Variants in STAC observed in about 807,000 individuals in gnomAD.
The protein encoded by STAC is SH3 and cysteine rich domain, also known as SH3 and cysteine-rich domain-containing protein.
In STAC, 43 loss-of-function variants were observed where a neutral mutation model predicts 48.8. The observed-to-expected ratio is 0.88, with a 90% CI of 0.69 to 1.14. STAC has a LOEUF of 1.14. STAC is among the 50% of genes most tolerant of loss of function. STAC has a pLI of 0.00. For missense variants in STAC, 497 were observed against 504.0 expected, an observed-to-expected ratio of 0.99 and a Z score of 0.13; for synonymous variants, 193 against 179.5, an observed-to-expected ratio of 1.07 and a Z score of -0.60.
At chr3:36,496,617 G>T (rs924880785) in intron 6 of STAC, among the ~76,000 whole-genome samples, 2 of 152,174 alleles carry the variant, frequency 1.3e-5, no homozygotes, top group Admixed American at 1.3e-4. Flanking sequence ...TCTTATAAAT[G>T]ATCCTTGGCA....
Position 36,547,640 on chromosome 3 carries a change from TA to T in STAC, c.*1355del, listed in dbSNP as rs1256286328. The T allele has an allele frequency of 1.3e-5, 2 of 152,536 alleles. No homozygotes were observed. The highest frequency in any genetic ancestry group is 2.4e-5 in the African/African-American group (1 of 41,450). The allele number at this position is 152,536 out of a possible 1,614,324, so 9.4% of individuals were successfully genotyped here. A position where few individuals can be genotyped will look rare whatever the true frequency, so the allele number is the denominator to read the frequency against. On this transcript the variant is annotated 3_prime_UTR_variant, in exon 11 of 11. Transcript: ENST00000273183. ...ATAAAATCATTAGAACAATGGTTTT[TA>T]AAAGACTTAAGTGGATGCATCCTAT...
rs184962954 is a variant in STAC, at chr3:36,528,677, C to G, written c.921-19C>G. ...TTCTTTTTTTTTCCTTTACCTAACT[C>G]ATTCATTCTTCATTTTAGGCCAGGA... On this transcript the variant is annotated intron_variant, in intron 8 of 10. Transcript: ENST00000273183. 10 of 1,572,322 alleles carry G rather than the reference C, an allele frequency of 6.4e-6. No homozygotes were observed. In the East Asian group the frequency reaches 1.1e-4, roughly 18 times the overall value.
intron 1 of STAC, among the ~76,000 whole-genome samples, chr3:36,430,378 T>G (rs1328650591): frequency 6.6e-6 from 1 of 152,086 alleles, no homozygotes; most frequent in East Asian, 1.9e-4. Flanking sequence ...GGCAGGGCAT[T>G]AGAAGCAATA....
chr3:36,418,174 C>T (rs1201684281), intron 1 of STAC, among the ~76,000 whole-genome samples: 1 of 151,894 alleles, frequency 6.6e-6, no homozygotes, highest in African/African-American at 2.4e-5. Context: ...CTTAGGCCTT[C>T]CTTTGTTTTT....
chr3:36,381,731 T>C (rs535551301), intron 1 of STAC, among the ~76,000 whole-genome samples: 39 of 152,300 alleles, frequency 2.6e-4, no homozygotes, highest in South Asian at 8.3e-4. Flanking sequence ...CTGGAAGCCA[T>C]TGATATGATC....
chr3:36,546,243 G>GA lies in STAC; in HGVS notation c.1169dup (p.Lys391GlufsTer7). ...GATGGTTTTATCAGAGTCCTCAGTG[G>GA]AAAAAAGAAAGGCCTCATCCCCCTT... On this transcript the variant is annotated frameshift_variant, in exon 11 of 11. Transcript: ENST00000273183. LOFTEE classifies it high-confidence loss of function. 1.9e-6 allele frequency: 3 copies of GA among 1,614,024 alleles called. No homozygotes were observed. The highest frequency in any genetic ancestry group is 1.7e-6 in the Non-Finnish European group (2 of 1,179,952).
intron 2 of STAC, among the ~76,000 whole-genome samples, chr3:36,445,785 G>GT (rs1237374689): frequency 1.3e-5 from 2 of 152,184 alleles, no homozygotes; most frequent in South Asian, 2.1e-4. Flanking sequence ...AAAGCTGTTT[G>GT]TTTTTTCCTT....
chr3:36,396,834 G>A (rs1317972663), intron 1 of STAC, among the ~76,000 whole-genome samples: 1 of 152,068 alleles, frequency 6.6e-6, no homozygotes, highest in African/African-American at 2.4e-5. Flanking sequence ...TATATGTAGG[G>A]TAGTTTTTTC....
intron 10 of STAC, among the ~76,000 whole-genome samples, chr3:36,531,654 A>G (rs897662553): frequency 1.3e-5 from 2 of 152,190 alleles, no homozygotes; most frequent in African/African-American, 4.8e-5. Flanking sequence ...TAATGGTACC[A>G]GATGCCCCAT....
intron 8 of STAC, among the ~76,000 whole-genome samples, chr3:36,510,957 T>G (rs1170262746): frequency 2.6e-5 from 4 of 151,012 alleles, no homozygotes; most frequent in Non-Finnish European, 4.4e-5. Context: ...AAAGTATAAT[T>G]AAAATATATT....
At chr3:36,423,405 A>G (rs1700490132) in intron 1 of STAC, among the ~76,000 whole-genome samples, 1 of 151,656 alleles carries the variant, frequency 6.6e-6, no homozygotes, top group African/African-American at 2.4e-5. Flanking sequence ...ATTCAATGAA[A>G]TATTAGGCTT....
intron 1 of STAC, among the ~76,000 whole-genome samples, chr3:36,397,453 G>C (rs924284839): frequency 6.6e-6 from 1 of 151,806 alleles, no homozygotes; most frequent in South Asian, 2.1e-4. Context: ...TGCCATATTG[G>C]GCACTATCTC....
chr3:36,385,938 C>T (rs1699606810), intron 1 of STAC, among the ~76,000 whole-genome samples: 1 of 152,038 alleles, frequency 6.6e-6, no homozygotes, highest in African/African-American at 2.4e-5. Context: ...CTGCTATAAG[C>T]CATACTGCTA....
At chr3:36,527,132 C>T (rs1487157350) in intron 8 of STAC, among the ~76,000 whole-genome samples, 1 of 152,070 alleles carries the variant, frequency 6.6e-6, no homozygotes, top group Non-Finnish European at 1.5e-5. Context: ...CCTCCATTTT[C>T]CATTTTCAGT....
At chr3:36,493,932 C>G (rs545221189) in intron 6 of STAC, among the ~76,000 whole-genome samples, 1 of 151,558 alleles carries the variant, frequency 6.6e-6, no homozygotes, top group Admixed American at 6.6e-5. Flanking sequence ...GGGCGGATCA[C>G]GAGGTCAGGA....
chr3:36,445,367 G>A (rs7610107), intron 2 of STAC, among the ~76,000 whole-genome samples: 21,686 of 152,076 alleles, frequency 0.14, 1,803 homozygotes, highest in African/African-American at 0.22. Flanking sequence ...AAGAATCAAC[G>A]AGTCTCACTG....
chr3:36,503,520 T>G (rs948745265), intron 6 of STAC, among the ~76,000 whole-genome samples: 1 of 152,158 alleles, frequency 6.6e-6, no homozygotes, highest in Non-Finnish European at 1.5e-5. Context: ...AACCTCCACC[T>G]TGCACCAGGC....
At chr3:36,488,852 G>A (rs751270807) in intron 5 of STAC, among the ~76,000 whole-genome samples, 5 of 151,960 alleles carry the variant, frequency 3.3e-5, no homozygotes, top group Admixed American at 6.6e-5. Flanking sequence ...AAGGCTTTGC[G>A]CCACTTCCCT....
intron 2 of STAC, among the ~76,000 whole-genome samples, chr3:36,461,372 T>C (rs752389762): frequency 7.9e-5 from 12 of 152,176 alleles, no homozygotes; most frequent in Non-Finnish European, 1.8e-4. Context: ...TTATGGAGTA[T>C]CTCCTCTTGT....
Sources: gnomAD v4.1 joint callset for allele counts (sites outside exome capture counted in the v4.1 genomes callset) on GRCh38, gnomAD v4.1.1 for gene constraint, MANE v1.5 for transcripts, NCBI Gene and HGNC (gene_info 2026-07-23, HGNC 2026-07-21) for gene names.